The following TNFAIP8 variants were observed in gnomAD, a reference collection of about 807,000 sequenced individuals.
The protein encoded by TNFAIP8 is TNF alpha induced protein 8.
TNFAIP8 carries 7 observed loss-of-function variants against 13.3 expected under a neutral mutation model. The ratio of observed to expected loss-of-function variants is 0.52; its 90% CI spans 0.30 to 0.99. TNFAIP8 has a LOEUF of 0.99. TNFAIP8 is among the 50% of genes least tolerant of loss of function. TNFAIP8 has a pLI of 0.07. For missense variants in TNFAIP8, 258 were observed against 236.9 expected, an observed-to-expected ratio of 1.09 and a Z score of -0.58; for synonymous variants, 94 against 87.6, an observed-to-expected ratio of 1.07 and a Z score of -0.41.
intron 1 of TNFAIP8, among the ~76,000 whole-genome samples, chr5:119,372,006 G>A (rs917310311): frequency 6.6e-5 from 10 of 151,856 alleles, no homozygotes; most frequent in Admixed American, 1.3e-4. Flanking sequence ...GCGTGGTGGC[G>A]GGCACCTACA....
intron 1 of TNFAIP8, among the ~76,000 whole-genome samples, chr5:119,311,965 C>T (rs1749745681): frequency 6.6e-6 from 1 of 151,994 alleles, no homozygotes; most frequent in Admixed American, 6.6e-5. Context: ...TGCAGTACTA[C>T]CACAGGATGG....
At chr5:119,276,320 G>A (rs1748444518) in intron 1 of TNFAIP8, among the ~76,000 whole-genome samples, 1 of 152,026 alleles carries the variant, frequency 6.6e-6, no homozygotes, top group Non-Finnish European at 1.5e-5. Flanking sequence ...GTTTCACCAT[G>A]TTGGCCAGGC....
chr5:119,281,291 C>CAT, intron 1 of TNFAIP8, among the ~76,000 whole-genome samples: 1 of 37,542 alleles, frequency 2.7e-5, no homozygotes, highest in Non-Finnish European at 5.4e-5. Context: ...CACACATACA[C>CAT]ACACACACAC....
At chr5:119,333,429 C>A in intron 1 of TNFAIP8, 1 of 1,391,134 alleles carries the variant, frequency 7.2e-7, no homozygotes, top group Non-Finnish European at 9.3e-7. Flanking sequence ...ATGTGGTAAG[C>A]TTATGGTAGA....
At chr5:119,339,985 T>C (rs1750683877) in intron 1 of TNFAIP8, among the ~76,000 whole-genome samples, 1 of 152,160 alleles carries the variant, frequency 6.6e-6, no homozygotes, top group South Asian at 2.1e-4. Context: ...GAGAGTTTCA[T>C]TTAGTTTTCT....
At chr5:119,335,232 G>A (rs1457099206) in intron 1 of TNFAIP8, among the ~76,000 whole-genome samples, 1 of 152,156 alleles carries the variant, frequency 6.6e-6, no homozygotes, top group Non-Finnish European at 1.5e-5. Context: ...ATAAACTCTA[G>A]TGTGATATCC....
chr5:119,361,637 C>T (rs1390472039), intron 1 of TNFAIP8, among the ~76,000 whole-genome samples: 2 of 152,236 alleles, frequency 1.3e-5, no homozygotes, highest in Non-Finnish European at 2.9e-5. Context: ...AGCCTCCAGA[C>T]CACATTTGTT....
chr5:119,303,642 A>G (rs1160015156), intron 1 of TNFAIP8, among the ~76,000 whole-genome samples: 1 of 152,208 alleles, frequency 6.6e-6, no homozygotes, highest in Non-Finnish European at 1.5e-5. Context: ...GTAGAACATA[A>G]AATAAAAACA....
At chr5:119,362,625 C>CCT (rs796566312) in intron 1 of TNFAIP8, among the ~76,000 whole-genome samples, 3 of 151,818 alleles carry the variant, frequency 2.0e-5, no homozygotes, top group African/African-American at 7.2e-5. Context: ...GTGAGACCCC[C>CCT]CATCTCTACA....
chr5:119,379,830 T>TCAG (rs1447246924), intron 1 of TNFAIP8, among the ~76,000 whole-genome samples: 1 of 152,030 alleles, frequency 6.6e-6, no homozygotes, highest in African/African-American at 2.4e-5. Flanking sequence ...TGACTTCAGG[T>TCAG]GATCTGCCCA....
At chr5:119,285,141 G>A (rs1748739779) in intron 1 of TNFAIP8, among the ~76,000 whole-genome samples, 2 of 152,128 alleles carry the variant, frequency 1.3e-5, no homozygotes, top group Admixed American at 6.5e-5. Flanking sequence ...AATGGGAAAA[G>A]CTCTGGACAG....
chr5:119,339,952 A>G (rs1289074865), intron 1 of TNFAIP8, among the ~76,000 whole-genome samples: 1 of 152,246 alleles, frequency 6.6e-6, no homozygotes, highest in Non-Finnish European at 1.5e-5. Flanking sequence ...ACACAAATAA[A>G]TGAAATGGGG....
chr5:119,356,902 G>T (rs1206561376), intron 1 of TNFAIP8, among the ~76,000 whole-genome samples: 1 of 152,162 alleles, frequency 6.6e-6, no homozygotes, highest in East Asian at 1.9e-4. Flanking sequence ...TCTCTTGTAA[G>T]TGGGGGGTGG....
At chr5:119,286,279 G>A (rs545133191) in intron 1 of TNFAIP8, among the ~76,000 whole-genome samples, 62 of 152,140 alleles carry the variant, frequency 4.1e-4, no homozygotes, top group African/African-American at 1.2e-3. Context: ...GAAATCTCTG[G>A]TTATTGATTC....
At chr5:119,377,359 G>C (rs1333464719) in intron 1 of TNFAIP8, among the ~76,000 whole-genome samples, 1 of 151,964 alleles carries the variant, frequency 6.6e-6, no homozygotes, top group Non-Finnish European at 1.5e-5. Flanking sequence ...ACTCCAGCCT[G>C]GGCAACAGAG....
intron 1 of TNFAIP8, among the ~76,000 whole-genome samples, chr5:119,274,778 T>C (rs992167552): frequency 3.9e-5 from 6 of 152,212 alleles, no homozygotes; most frequent in Non-Finnish European, 8.8e-5. Flanking sequence ...AACATCATTA[T>C]CTGGGCAGCT....
At chr5:119,287,042 C>T (rs1581571245) in intron 1 of TNFAIP8, among the ~76,000 whole-genome samples, 3 of 152,236 alleles carry the variant, frequency 2.0e-5, no homozygotes. Flanking sequence ...TGCCCCTTTC[C>T]TGCACTGCCC....
upstream of TNFAIP8, among the ~76,000 whole-genome samples, chr5:119,351,031 T>TA (rs1751117784): frequency 2.4e-5 from 3 of 125,882 alleles, no homozygotes; most frequent in African/African-American, 3.7e-5. Context: ...TGTGTGTGTG[T>TA]GTGTAGAGAG....
chr5:119,281,306 A>ACAGACACACACACACACACACACTCT, intron 1 of TNFAIP8, among the ~76,000 whole-genome samples: 2 of 114,134 alleles, frequency 1.8e-5, no homozygotes, highest in South Asian at 3.3e-4. Context: ...ACACACACAC[A>ACAGACACACACACACACACACACTCT]CTCTCTCTCT....
Sources: gnomAD v4.1 joint callset for allele counts (sites outside exome capture counted in the v4.1 genomes callset) on GRCh38, gnomAD v4.1.1 for gene constraint, MANE v1.5 for transcripts, NCBI Gene and HGNC (gene_info 2026-07-23, HGNC 2026-07-21) for gene names.